MIR2052HG: variants seen among roughly 807,000 people sequenced by gnomAD.
MIR2052HG encodes the protein MIR2052 host gene.
At chr8:74,743,087 A>C (rs542034640) in intron 4 of MIR2052HG, among the ~76,000 whole-genome samples, 2 of 152,182 alleles carry the variant, frequency 1.3e-5, no homozygotes, top group South Asian at 4.1e-4. Flanking sequence ...AAAAACCAAC[A>C]AAAAAACACC....
intron 2 of MIR2052HG, among the ~76,000 whole-genome samples, chr8:74,696,495 T>G (rs911013690): frequency 6.6e-6 from 1 of 151,368 alleles, no homozygotes; most frequent in East Asian, 1.9e-4. Flanking sequence ...TAAATGAAAT[T>G]GAAACAAAAA....
intron 2 of MIR2052HG, among the ~76,000 whole-genome samples, chr8:74,676,749 A>G (rs1383134024): frequency 6.6e-6 from 1 of 152,018 alleles, no homozygotes; most frequent in Non-Finnish European, 1.5e-5. Flanking sequence ...CGTTAATAAT[A>G]ATGCATTGTA....
chr8:74,629,702 C>A (rs1229506797), intron 2 of MIR2052HG, among the ~76,000 whole-genome samples: 1 of 152,140 alleles, frequency 6.6e-6, no homozygotes, highest in Non-Finnish European at 1.5e-5. Flanking sequence ...TGGCCCAGTA[C>A]AAGGTATCTG....
At chr8:74,682,697 A>G (rs771655848) in intron 2 of MIR2052HG, among the ~76,000 whole-genome samples, 1 of 152,178 alleles carries the variant, frequency 6.6e-6, no homozygotes, top group Non-Finnish European at 1.5e-5. Flanking sequence ...GGGAAACTAT[A>G]TGGTGCAACC....
intron 2 of MIR2052HG, among the ~76,000 whole-genome samples, chr8:74,696,069 A>G (rs181921201): frequency 1.3e-5 from 2 of 152,288 alleles, no homozygotes; most frequent in East Asian, 3.9e-4. Flanking sequence ...ACCATATAAT[A>G]GGCCACAAAA....
intron 4 of MIR2052HG, among the ~76,000 whole-genome samples, chr8:74,712,149 C>T (rs1423194183): frequency 1.3e-5 from 2 of 152,164 alleles, no homozygotes; most frequent in African/African-American, 4.8e-5. Context: ...ATTCTCTTTA[C>T]CTTCAAAACC....
chr8:74,662,895 G>GTGT (rs1808881336), intron 2 of MIR2052HG, among the ~76,000 whole-genome samples: 2 of 134,678 alleles, frequency 1.5e-5, no homozygotes, highest in Non-Finnish European at 3.1e-5. Context: ...TGTGTGTGTG[G>GTGT]TATAATTTTA....
chr8:74,670,904 C>A (rs911831241), intron 2 of MIR2052HG, among the ~76,000 whole-genome samples: 1 of 151,708 alleles, frequency 6.6e-6, no homozygotes, highest in Non-Finnish European at 1.5e-5. Flanking sequence ...TGCTCCAACT[C>A]CTAACCTCCT....
chr8:74,692,157 C>T (rs1357318041), intron 2 of MIR2052HG, among the ~76,000 whole-genome samples: 2 of 152,220 alleles, frequency 1.3e-5, no homozygotes, highest in Non-Finnish European at 2.9e-5. Flanking sequence ...CTGGTGCAAT[C>T]TCAGCTCAAT....
At chr8:74,634,904 T>C (rs1808562786) in intron 2 of MIR2052HG, among the ~76,000 whole-genome samples, 1 of 152,206 alleles carries the variant, frequency 6.6e-6, no homozygotes, top group Non-Finnish European at 1.5e-5. Context: ...TCCTCAATTA[T>C]TTATTGAATG....
chr8:74,689,177 G>T (rs1809214166), intron 2 of MIR2052HG, among the ~76,000 whole-genome samples: 1 of 152,108 alleles, frequency 6.6e-6, no homozygotes, highest in African/African-American at 2.4e-5. Context: ...TGCTTGGGAT[G>T]TCTCATTAGA....
chr8:74,613,019 C>CA lies in MIR2052HG; in HGVS notation n.216+80dup. On this transcript the variant is annotated intron_variant and non_coding_transcript_variant, in intron 2 of 6. Transcript: ENST00000523442. ...TGGACAAACAGCTGTTTGAATCAGA[C>CA]AGTGAAACCTCACTAAAGGGAGAAA... 3 of 435,240 alleles carry CA rather than the reference C, an allele frequency of 6.9e-6. No homozygotes were observed. The Admixed American group carries it at 7.6e-5, about 11-fold the overall frequency. The allele number at this position is 435,240 out of a possible 1,614,324, so 27.0% of individuals were successfully genotyped here. A position where few individuals can be genotyped will look rare whatever the true frequency, so the allele number is the denominator to read the frequency against.
At chr8:74,738,249 C>A (rs1212393369) in intron 4 of MIR2052HG, among the ~76,000 whole-genome samples, 7 of 152,098 alleles carry the variant, frequency 4.6e-5, no homozygotes, top group Non-Finnish European at 1.0e-4. Flanking sequence ...ATTTCCATTT[C>A]TCTTCTTTCC....
At chr8:74,670,374 C>G (rs989266880) in intron 2 of MIR2052HG, among the ~76,000 whole-genome samples, 1 of 152,008 alleles carries the variant, frequency 6.6e-6, no homozygotes, top group African/African-American at 2.4e-5. Context: ...CTATTCTTTC[C>G]GGTAATATGG....
At chr8:74,678,947 A>C (rs1047558794) in intron 2 of MIR2052HG, among the ~76,000 whole-genome samples, 5 of 152,190 alleles carry the variant, frequency 3.3e-5, no homozygotes, top group African/African-American at 1.2e-4. Context: ...TGAAAGAGAA[A>C]AAATATGATT....
At position 74,612,267 on chromosome 8, in the gene MIR2052HG, T is replaced by C. The variant is rs72667563; in HGVS notation, n.129-586T>C. ...ATTACAAGTGAGAAAGTGGAGAGAA[T>C]TGGGTTGGTCCACTTCCATTCAGAG... On this transcript the variant is annotated intron_variant and non_coding_transcript_variant, in intron 1 of 6. Coordinates refer to ENST00000523442, the Ensembl canonical transcript of MIR2052HG. Among the ~76,000 whole-genome samples the C allele has an allele frequency of 3.6e-3, 555 of 152,302 alleles. 2 individuals are homozygous for C. The highest frequency in any genetic ancestry group is 0.018 in the South Asian group (85 of 4,824).
At chr8:74,715,904 G>C (rs1196634501) in intron 4 of MIR2052HG, among the ~76,000 whole-genome samples, 2 of 152,182 alleles carry the variant, frequency 1.3e-5, no homozygotes, top group Non-Finnish European at 1.5e-5. Flanking sequence ...GTTCAAATTA[G>C]AAAATGTATG....
intron 4 of MIR2052HG, among the ~76,000 whole-genome samples, chr8:74,745,551 A>G (rs1446922706): frequency 6.6e-6 from 1 of 152,140 alleles, no homozygotes; most frequent in Non-Finnish European, 1.5e-5. Flanking sequence ...GATAGTCTTT[A>G]TGTAAACATC....
chr8:74,713,524 T>C (rs1809490646), intron 4 of MIR2052HG, among the ~76,000 whole-genome samples: 1 of 152,158 alleles, frequency 6.6e-6, no homozygotes, highest in African/African-American at 2.4e-5. Context: ...TCTTTCCTTT[T>C]CATTTGTGAT....
Sources: gnomAD v4.1 joint callset for allele counts (sites outside exome capture counted in the v4.1 genomes callset) on GRCh38, gnomAD v4.1.1 for gene constraint, MANE v1.5 for transcripts, NCBI Gene and HGNC (gene_info 2026-07-23, HGNC 2026-07-21) for gene names.